Variants in UBE2E1 observed in about 807,000 individuals in gnomAD.
UBE2E1 encodes ubiquitin-conjugating enzyme E2 E1.
In UBE2E1, 6 loss-of-function variants were observed where a neutral mutation model predicts 21.4. That is an observed-to-expected ratio of 0.28 (90% CI 0.15 to 0.55). The LOEUF (loss-of-function observed/expected upper bound fraction) is 0.55, where lower values mean the gene tolerates loss of function less well. Ranked by LOEUF, UBE2E1 falls within the 20% of genes least tolerant of loss-of-function variation. The probability of loss-of-function intolerance (pLI) is 0.93; values close to 1 mark genes in which losing one functional copy is unlikely to be tolerated. For synonymous variants in UBE2E1, 87 were observed against 82.7 expected (o/e 1.05, Z -0.28); for missense variants, 142 against 236.5 (o/e 0.60, Z 2.62).
chr3:23,828,912 A>C (rs1349231903), intron 3 of UBE2E1, among the ~76,000 whole-genome samples: 1 of 152,042 alleles, frequency 6.6e-6, no homozygotes, highest in Non-Finnish European at 1.5e-5. Flanking sequence ...AAGAGGGAAA[A>C]TGTCCATCAA....
At chr3:23,873,438 A>T (rs923846238) in intron 3 of UBE2E1, among the ~76,000 whole-genome samples, 3 of 63,278 alleles carry the variant, frequency 4.7e-5, no homozygotes, top group African/African-American at 2.5e-4. Context: ...TTGAGGTTGA[A>T]GCAGCAGCAA....
At chr3:23,889,541 G>A in intron 5 of UBE2E1, 1 of 1,380,020 alleles carries the variant, frequency 7.2e-7, no homozygotes, top group Non-Finnish European at 9.3e-7. Flanking sequence ...TTTTTTTCCT[G>A]TTGCTTAATT....
rs550674735 is a variant in UBE2E1 at position 23,837,554 on chromosome 3, G to A, written c.203+26044G>A. ...ACCATCCCAGTCCAACTTGCTATGT[G>A]TTTTTATTTTTAGCCATTGGCTGAT... On this transcript the variant is annotated intron_variant, in intron 3 of 5. Coordinates refer to ENST00000306627, the MANE Select transcript of UBE2E1 (RefSeq NM_003341.5). Among the ~76,000 whole-genome samples the A allele has an allele frequency of 5.1e-4, 77 of 152,304 alleles. 1 individual carries two copies. In the South Asian group the frequency reaches 0.015, roughly 30 times the overall value.
chr3:23,848,089 A>G (rs572674132), intron 3 of UBE2E1, among the ~76,000 whole-genome samples: 1 of 152,328 alleles, frequency 6.6e-6, no homozygotes, highest in East Asian at 1.9e-4. Flanking sequence ...TGTTTTCACA[A>G]TAAACCTGTG....
Position 23,842,195 on chromosome 3 carries a change from A to AGG in UBE2E1, c.203+30688_203+30689dup, listed in dbSNP as rs35613446. On this transcript the variant is annotated intron_variant, in intron 3 of 5. Coordinates refer to ENST00000306627, the MANE Select transcript of UBE2E1 (RefSeq NM_003341.5). The surrounding 1 kb of genome is among the most constrained non-coding windows in gnomAD (Gnocchi z 4.6). ...AACTATGTCATGACCCAGTAAGTGA[A>AGG]GGGGTGTGTGTGTGTGTGTGTGTGT... 0.066 allele frequency among the ~76,000 whole-genome samples: 2,605 copies of AGG among 39,372 alleles called. 94 individuals are homozygous for AGG. Among genetic ancestry groups the AGG allele is most frequent in the East Asian group, 0.28 (547 of 1,962 alleles). The allele number at this position is 39,372 out of a possible 152,430, so 25.8% of individuals were successfully genotyped here. A position where few individuals can be genotyped will look rare whatever the true frequency, so the allele number is the denominator to read the frequency against.
At chr3:23,811,379 T>G in intron 2 of UBE2E1, 81 bp from the exon 3 acceptor site, 3 of 1,354,196 alleles carry the variant, frequency 2.2e-6, no homozygotes, top group South Asian at 2.3e-5. Flanking sequence ...TAGGTTTATC[T>G]GCAGACCTGC....
rs1699970017 is a variant in UBE2E1 at position 23,836,141 on chromosome 3, A to G, written c.203+24631A>G. ...TTTAGGATATAGATGAAATACATTG[A>G]AACAGCAAGAAGTTAAAGCATTTTA... is the stretch of plus-strand genomic sequence containing the variant. On this transcript the variant is annotated intron_variant, in intron 3 of 5. Transcript: ENST00000306627. The surrounding 1 kb of genome is among the most constrained non-coding windows in gnomAD (Gnocchi z 4.1). Among the ~76,000 whole-genome samples, 1 of 152,232 alleles carries G rather than the reference A, an allele frequency of 6.6e-6. No homozygotes were observed. Among genetic ancestry groups the G allele is most frequent in the Admixed American group, 6.5e-5 (1 of 15,288 alleles).
intron 3 of UBE2E1, among the ~76,000 whole-genome samples, chr3:23,827,613 A>G (rs1488676806): frequency 6.6e-6 from 1 of 152,128 alleles, no homozygotes; most frequent in African/African-American, 2.4e-5. Context: ...ATTATACTCT[A>G]CTGCCTCTTA....
At chr3:23,851,207 G>A (rs1318588253) in intron 3 of UBE2E1, among the ~76,000 whole-genome samples, 6 of 152,132 alleles carry the variant, frequency 3.9e-5, no homozygotes, top group African/African-American at 1.4e-4. Context: ...ACCTGTAAAT[G>A]TAAGAGTTTA....
At chr3:23,825,590 A>G (rs1699741346) in intron 3 of UBE2E1, among the ~76,000 whole-genome samples, 1 of 152,182 alleles carries the variant, frequency 6.6e-6, no homozygotes, top group African/African-American at 2.4e-5. Context: ...TTGGTGAGTG[A>G]CTGCGCAGGT....
At position 23,870,039 on chromosome 3, in the gene UBE2E1, T is replaced by A. The variant is rs888033700; in HGVS notation, c.204-17528T>A. Among the ~76,000 whole-genome samples the A allele has an allele frequency of 8.5e-5, 13 of 152,240 alleles. No homozygotes were observed. The highest frequency in any genetic ancestry group is 7.3e-5 in the Non-Finnish European group (5 of 68,040). On this transcript the variant is annotated intron_variant, in intron 3 of 5. Transcript: ENST00000306627. This position sits in a 1 kb window ranked among gnomAD's most constrained non-coding sequence, Gnocchi z 4.2. ...CTAATGCAGTTACAGGGGCTAGGAC[T>A]GGAGTCATGTGAAGCCTTCCTCACT... is the stretch of plus-strand genomic sequence containing the variant.
At chr3:23,878,591 C>T (rs1054758206) in intron 3 of UBE2E1, among the ~76,000 whole-genome samples, 2 of 152,222 alleles carry the variant, frequency 1.3e-5, no homozygotes, top group African/African-American at 4.8e-5. Context: ...TGCATTACTG[C>T]CTGAGCTCCG....
In UBE2E1 at chr3:23,891,430, A is replaced by ATTAG. The variant is rs961122880; in HGVS notation, c.*832_*835dup. On this transcript the variant is annotated 3_prime_UTR_variant, in exon 6 of 6. Transcript: ENST00000306627. ...TAAAAATAATGCATATTTAGTAGGTATTAGTTAGTTACCTATATTAGGATC... is the reference window on the plus strand; with the variant it reads ...TAAAAATAATGCATATTTAGTAGGTATTAGTTAGTTAGTTACCTATATTAGGATC... 4.6e-5 allele frequency: 7 copies of ATTAG among 152,234 alleles called. No individual in the cohort carries two copies. Among genetic ancestry groups the ATTAG allele is most frequent in the South Asian group, 2.1e-4 (1 of 4,834 alleles). 9.4% of individuals were successfully genotyped at this position (152,234 alleles called of 1,614,324 possible).
At chr3:23,871,092 C>A (rs970242998) in intron 3 of UBE2E1, among the ~76,000 whole-genome samples, 6 of 151,714 alleles carry the variant, frequency 4.0e-5, no homozygotes, top group African/African-American at 7.3e-5. Context: ...TACACAGACA[C>A]GGCAACCATC....
chr3:23,825,912 A>G (rs1397203270), intron 3 of UBE2E1, among the ~76,000 whole-genome samples: 3 of 152,188 alleles, frequency 2.0e-5, no homozygotes, highest in African/African-American at 7.2e-5. Flanking sequence ...GCAGTGGGGC[A>G]TGCCTATATT....
At chr3:23,886,810 G>A (rs1439464116) in intron 3 of UBE2E1, among the ~76,000 whole-genome samples, 1 of 152,146 alleles carries the variant, frequency 6.6e-6, no homozygotes, top group African/African-American at 2.4e-5. Context: ...AATTCACATC[G>A]TACATTTATT....
chr3:23,857,167 T>G (rs1378216358), intron 3 of UBE2E1, among the ~76,000 whole-genome samples: 1 of 151,988 alleles, frequency 6.6e-6, no homozygotes, highest in Non-Finnish European at 1.5e-5. Context: ...ATCAGGAAAT[T>G]GGCACTGAAG....
intron 3 of UBE2E1, among the ~76,000 whole-genome samples, chr3:23,838,674 T>C (rs1700021970): frequency 6.6e-6 from 1 of 152,024 alleles, no homozygotes; most frequent in Admixed American, 6.5e-5. Flanking sequence ...ATTTTGTATT[T>C]TTAGTAGAAA....
At position 23,891,319 on chromosome 3, in the gene UBE2E1, G is replaced by T. The variant is rs1353121259; in HGVS notation, c.*713G>T. On this transcript the variant is annotated 3_prime_UTR_variant, in exon 6 of 6. Coordinates refer to ENST00000306627, the MANE Select transcript of UBE2E1 (RefSeq NM_003341.5). ...TATTAAAAACCACCTAATAAACACTGCTGTGTTCATTTACTTTTCTTTTGC... is the reference window on the plus strand; with the variant it reads ...TATTAAAAACCACCTAATAAACACTTCTGTGTTCATTTACTTTTCTTTTGC... 2 of 152,192 alleles carry T rather than the reference G, an allele frequency of 1.3e-5. No individual in the cohort carries two copies. The highest frequency in any genetic ancestry group is 4.8e-5 in the African/African-American group (2 of 41,436). The allele number at this position is 152,192 out of a possible 1,614,324, so 9.4% of individuals were successfully genotyped here. A position where few individuals can be genotyped will look rare whatever the true frequency, so the allele number is the denominator to read the frequency against.
Sources: allele counts gnomAD v4.1 joint callset (sites outside exome capture counted in the v4.1 genomes callset), GRCh38; gene constraint gnomAD v4.1.1; non-coding constraint Gnocchi (gnomAD v3.1); transcripts MANE v1.5; gene names NCBI Gene and HGNC (gene_info 2026-07-23, HGNC 2026-07-21).